The following AGMO variants were observed in gnomAD, a reference collection of about 807,000 sequenced individuals.
AGMO encodes the protein glyceryl-ether monooxygenase.
A neutral mutation model predicts 60.2 loss-of-function variants in AGMO; 75 were observed. That is an observed-to-expected ratio of 1.25 (90% CI 1.03 to 1.51). AGMO has a LOEUF of 1.51. AGMO is among the 40% of genes most tolerant of loss of function. AGMO has a pLI of 0.00. For synonymous variants in AGMO, 261 were observed against 177.1 expected (o/e 1.47, Z -3.76); for missense variants, 763 against 525.5 (o/e 1.45, Z -4.42).
chr7:15,210,698 T>G (rs534906084), intron 12 of AGMO, among the ~76,000 whole-genome samples: 1 of 152,242 alleles, frequency 6.6e-6, no homozygotes, highest in East Asian at 1.9e-4. Context: ...TTAAGATTCT[T>G]ATTATTTTTA....
At chr7:15,416,057 G>A (rs1454276236) in intron 5 of AGMO, among the ~76,000 whole-genome samples, 2 of 148,270 alleles carry the variant, frequency 1.3e-5, no homozygotes, top group Non-Finnish European at 3.0e-5. Context: ...AGGTGGGCAG[G>A]GAGTCTCCCT....
At chr7:15,297,519 CT>C (rs1226625138) in intron 12 of AGMO, among the ~76,000 whole-genome samples, 2 of 152,088 alleles carry the variant, frequency 1.3e-5, no homozygotes, top group Admixed American at 6.5e-5. Flanking sequence ...AAGTTCAACT[CT>C]TTTTTGATTT....
intron 5 of AGMO, among the ~76,000 whole-genome samples, chr7:15,416,154 C>G (rs1336148340): frequency 6.6e-6 from 1 of 151,574 alleles, no homozygotes; most frequent in Non-Finnish European, 1.5e-5. Context: ...CTGCCACGGC[C>G]TCCAAAGTAG....
At chr7:15,251,042 A>G (rs1031576862) in intron 12 of AGMO, among the ~76,000 whole-genome samples, 3 of 152,132 alleles carry the variant, frequency 2.0e-5, no homozygotes, top group African/African-American at 7.2e-5. Flanking sequence ...AAATACATAT[A>G]TATTTTTATA....
At chr7:15,354,282 C>T (rs1485263276) in intron 12 of AGMO, among the ~76,000 whole-genome samples, 3 of 114,774 alleles carry the variant, frequency 2.6e-5, no homozygotes, top group African/African-American at 7.6e-5. Flanking sequence ...ATGTATATCA[C>T]GAATGAGATA....
chr7:15,197,087 T>C (rs538387586), downstream of AGMO, among the ~76,000 whole-genome samples: 3 of 152,016 alleles, frequency 2.0e-5, no homozygotes, highest in Non-Finnish European at 4.4e-5. Context: ...AGGCTTAAGA[T>C]AGAGCCAAGC....
chr7:15,520,678 T>C (rs1013030174), intron 3 of AGMO, among the ~76,000 whole-genome samples: 5 of 151,992 alleles, frequency 3.3e-5, no homozygotes. Context: ...ATACCAGAAT[T>C]CTCTGGGACA....
At chr7:15,548,540 G>T (rs1393212773) in intron 2 of AGMO, among the ~76,000 whole-genome samples, 1 of 152,168 alleles carries the variant, frequency 6.6e-6, no homozygotes. Flanking sequence ...AGGAGCCGAT[G>T]TGATCAACTG....
intron 3 of AGMO, among the ~76,000 whole-genome samples, chr7:15,443,390 C>T (rs1005830646): frequency 4.6e-5 from 7 of 152,204 alleles, no homozygotes; most frequent in African/African-American, 9.6e-5. Flanking sequence ...AAGCAAGCCA[C>T]GCCCATCTCA....
intron 3 of AGMO, among the ~76,000 whole-genome samples, chr7:15,483,685 A>G (rs1782832261): frequency 6.6e-6 from 1 of 152,220 alleles, no homozygotes; most frequent in South Asian, 2.1e-4. Context: ...TTGAAAAAAT[A>G]TTAACTAGAT....
rs115752112 is a variant in AGMO at position 15,361,065 on chromosome 7, A to T, written c.1263+4449T>A. On this transcript the variant is annotated intron_variant, in intron 12 of 12. Transcript: ENST00000342526. ...TCCTGGTTTCTGGAAATCATTTGTT[A>T]CTAAGTGATGCCTTATATGAATAGG... is the stretch of plus-strand genomic sequence containing the variant. Among the ~76,000 whole-genome samples, 200 of 152,240 alleles carry T rather than the reference A, an allele frequency of 1.3e-3. 1 individual carries two copies. Among genetic ancestry groups the T allele is most frequent in the African/African-American group, 4.8e-3 (198 of 41,536 alleles).
At chr7:15,311,204 G>T in intron 12 of AGMO, among the ~76,000 whole-genome samples, 1 of 152,116 alleles carries the variant, frequency 6.6e-6, no homozygotes. Flanking sequence ...CAAAAGCACT[G>T]AAGAGCTAAC....
At chr7:15,177,340 A>T in the AGMO span, among the ~76,000 whole-genome samples, 142 of 152,088 alleles carry the variant, frequency 9.3e-4, no homozygotes, top group African/African-American at 3.3e-3. Flanking sequence ...TTCTCTTTAA[A>T]CTAGTTGCTT....
At position 15,238,598 on chromosome 7, in the gene AGMO, TTAA is replaced by T. The variant is rs149672359; in HGVS notation, c.1264-37242_1264-37240del. ...TTAAAAATTTTAATTTTTCATTTTA[TTAA>T]TAATTTAAAGGCTATAGAAATAGGT... On this transcript the variant is annotated intron_variant, in intron 12 of 12. Transcript: ENST00000342526. Among the ~76,000 whole-genome samples the T allele has an allele frequency of 6.6e-3, 996 of 151,706 alleles. 9 individuals are homozygous for T. Among genetic ancestry groups the T allele is most frequent in the African/African-American group, 0.023 (947 of 41,506 alleles).
chr7:15,531,235 A>ATTC (rs1784331000), intron 3 of AGMO, among the ~76,000 whole-genome samples: 2 of 92,670 alleles, frequency 2.2e-5, no homozygotes, highest in Non-Finnish European at 3.8e-5. Context: ...TTCTATATAT[A>ATTC]TATTCTATAT....
chr7:15,196,075 G>A (rs916330035), downstream of AGMO, among the ~76,000 whole-genome samples: 4 of 149,910 alleles, frequency 2.7e-5, no homozygotes, highest in Middle Eastern at 3.4e-3. Flanking sequence ...ACAGAGTCTC[G>A]CTCTGTCACC....
At chr7:15,441,283 T>C (rs1328643086) in intron 3 of AGMO, among the ~76,000 whole-genome samples, 1 of 152,204 alleles carries the variant, frequency 6.6e-6, no homozygotes, top group South Asian at 2.1e-4. Context: ...AAAAATACTT[T>C]GAAATAAAAG....
chr7:15,424,310 G>C (rs1781001382), intron 4 of AGMO, among the ~76,000 whole-genome samples: 1 of 152,012 alleles, frequency 6.6e-6, no homozygotes, highest in African/African-American at 2.4e-5. Context: ...GGCCCTGCTA[G>C]TCAAAAGTAT....
intron 12 of AGMO, among the ~76,000 whole-genome samples, chr7:15,262,614 C>CA (rs1186353612): frequency 1.4e-4 from 21 of 151,436 alleles, no homozygotes; most frequent in Non-Finnish European, 1.3e-4. Flanking sequence ...AAAAAAAATC[C>CA]AAAAATTCAT....
Sources: allele counts gnomAD v4.1 joint callset (sites outside exome capture counted in the v4.1 genomes callset), GRCh38; gene constraint gnomAD v4.1.1; transcripts MANE v1.5; gene names NCBI Gene and HGNC (gene_info 2026-07-23, HGNC 2026-07-21).